The following FGF13 variants were observed in gnomAD, a reference collection of about 807,000 sequenced individuals.
The protein encoded by FGF13 is fibroblast growth factor 13.
Under a neutral mutation model 19.5 loss-of-function variants are expected in FGF13, and 2 were observed. The observed-to-expected ratio is 0.10, with a 90% CI of 0.04 to 0.32. The LOEUF is 0.32. Ranked by LOEUF, FGF13 falls within the 10% of genes least tolerant of loss-of-function variation. The pLI, the probability that FGF13 is intolerant of heterozygous loss-of-function variation, is 1.00. For missense variants in FGF13, 113 were observed against 192.7 expected, an observed-to-expected ratio of 0.59 and a Z score of 2.45; for synonymous variants, 72 against 76.9, an observed-to-expected ratio of 0.94 and a Z score of 0.33.
chrX:138,794,751 T>C lies in FGF13; in HGVS notation c.217+62761A>G, dbSNP rs760855528. On this transcript the variant is annotated intron_variant, in intron 3 of 6. Transcript: ENST00000436198. ...AGGGAAAGGAGAGGTCAGGATGCAG[T>C]GAGCAAAATTCGGTGTGCTTTTAAC... Among the ~76,000 whole-genome samples the C allele has an allele frequency of 5.3e-4, 59 of 111,891 alleles. 1 individual carries two copies. Among genetic ancestry groups the C allele is most frequent in the Admixed American group, 1.6e-3 (17 of 10,529 alleles).
At chrX:139,096,621 T>A (rs1397149654) in intron 1 of FGF13, among the ~76,000 whole-genome samples, 3 of 111,787 alleles carry the variant, frequency 2.7e-5, no homozygotes, top group Admixed American at 9.5e-5. Flanking sequence ...AACATTGATT[T>A]AGCAATTATG....
In FGF13 at chrX:139,080,978, T is replaced by C. The variant is rs140132596; in HGVS notation, c.-113+122438A>G. On this transcript the variant is annotated intron_variant, in intron 1 of 2. Transcript: ENST00000421460. ...TACAATAACTCCCATCTTTAAAAAATATAAACCTATTCCTTGACTACGCAT... is the reference window on the plus strand; with the variant it reads ...TACAATAACTCCCATCTTTAAAAAACATAAACCTATTCCTTGACTACGCAT... 9.0e-3 allele frequency among the ~76,000 whole-genome samples: 1,003 copies of C among 111,128 alleles called. 11 individuals carry two copies. Among genetic ancestry groups the C allele is most frequent in the African/African-American group, 0.03 (923 of 30,511 alleles).
At chrX:138,992,556 G>T (rs1374354085) in intron 1 of FGF13, among the ~76,000 whole-genome samples, 1 of 110,137 alleles carries the variant, frequency 9.1e-6, no homozygotes, top group Non-Finnish European at 1.9e-5. Flanking sequence ...ATTAAATGAT[G>T]ATAATAATAG....
At chrX:139,140,846 T>G (rs1045431942) in intron 1 of FGF13, among the ~76,000 whole-genome samples, 3 of 110,696 alleles carry the variant, frequency 2.7e-5, no homozygotes, top group African/African-American at 9.9e-5. Flanking sequence ...TCCACCGCAT[T>G]TCCTTGCTCA....
chrX:139,013,839 G>T (rs1036667859), intron 1 of FGF13, among the ~76,000 whole-genome samples: 2 of 108,849 alleles, frequency 1.8e-5, no homozygotes, highest in Non-Finnish European at 3.8e-5. Context: ...GAACTTATTC[G>T]TGTAACCAAA....
intron 1 of FGF13, chrX:138,984,870 G>A: frequency 7.7e-6 from 2 of 260,095 alleles, no homozygotes; most frequent in Non-Finnish European, 1.5e-5. Context: ...TAAGAGCAAT[G>A]AGGCAACACT....
chrX:138,947,125 T>C (rs2091785541), intron 1 of FGF13, among the ~76,000 whole-genome samples: 1 of 111,867 alleles, frequency 8.9e-6, no homozygotes, highest in Non-Finnish European at 1.9e-5. Context: ...TTCCTGATTC[T>C]TCAGTTGTTT....
intron 3 of FGF13, among the ~76,000 whole-genome samples, chrX:138,701,100 G>A (rs930420611): frequency 2.7e-5 from 3 of 112,188 alleles, no homozygotes; most frequent in Non-Finnish European, 3.8e-5. Context: ...TCCAAAGTAC[G>A]TTCTTCAATT....
At chrX:139,122,042 C>A (rs1603209317) in intron 1 of FGF13, among the ~76,000 whole-genome samples, 1 of 111,128 alleles carries the variant, frequency 9.0e-6, no homozygotes, top group Admixed American at 9.6e-5. Flanking sequence ...TGACACAGAC[C>A]ATGAGATTCT....
intron 1 of FGF13, among the ~76,000 whole-genome samples, chrX:138,718,332 TA>T (rs2090124090): frequency 8.9e-6 from 1 of 111,747 alleles, no homozygotes; most frequent in Admixed American, 9.5e-5. Flanking sequence ...AATGAAAAGC[TA>T]GGGGAAAAAA....
chrX:138,858,678 C>T lies in FGF13; in HGVS notation c.-38-999G>A, dbSNP rs140600803. Among the ~76,000 whole-genome samples, 1,032 of 110,956 alleles carry T rather than the reference C, an allele frequency of 9.3e-3. 11 individuals carry two copies. The highest frequency in any genetic ancestry group is 0.033 in the African/African-American group (991 of 30,459). On this transcript the variant is annotated intron_variant, in intron 2 of 2. Transcript: ENST00000421460. Reference sequence around the variant, plus strand: ...CTGACTCATTCTACTACCCGAAATGCATACACTTAACACGCATGTAGGAGG... The same window carrying T: ...CTGACTCATTCTACTACCCGAAATGTATACACTTAACACGCATGTAGGAGG...
chrX:138,736,632 T>C (rs1417377702), intron 1 of FGF13, among the ~76,000 whole-genome samples: 2 of 110,060 alleles, frequency 1.8e-5, no homozygotes, highest in Non-Finnish European at 3.8e-5. Flanking sequence ...CAGGGGATTA[T>C]TGATAAAAAA....
chrX:138,708,745 T>C, intron 2 of FGF13, 73 bp downstream of exon 2: 2 of 681,863 alleles, frequency 2.9e-6, no homozygotes, highest in Middle Eastern at 3.6e-4. Context: ...GAAAGCGTAT[T>C]TATTTTTAAA....
At chrX:138,995,140 C>T (rs1484706201) in intron 1 of FGF13, among the ~76,000 whole-genome samples, 1 of 110,985 alleles carries the variant, frequency 9.0e-6, no homozygotes, top group African/African-American at 3.3e-5. Flanking sequence ...GGTCACATGG[C>T]ATGGAGAGAG....
At chrX:138,650,525 T>A (rs2091531219) in intron 3 of FGF13, among the ~76,000 whole-genome samples, 1 of 112,068 alleles carries the variant, frequency 8.9e-6, no homozygotes, top group African/African-American at 3.2e-5. Flanking sequence ...ATGTTATGAC[T>A]AGCCAAATAT....
chrX:138,856,406 G>A (rs1210066871), downstream of FGF13, among the ~76,000 whole-genome samples: 1 of 111,546 alleles, frequency 9.0e-6, no homozygotes, highest in Non-Finnish European at 1.9e-5. Flanking sequence ...GAGTGCATTT[G>A]GAGAAATTTA....
intron 3 of FGF13, among the ~76,000 whole-genome samples, chrX:138,688,090 G>C (rs937593490): frequency 9.2e-6 from 1 of 109,110 alleles, no homozygotes; most frequent in African/African-American, 3.3e-5. Context: ...CAAGTAGCTG[G>C]GACTACAGGT....
intron 1 of FGF13, among the ~76,000 whole-genome samples, chrX:139,001,912 C>G (rs2092075136): frequency 8.9e-6 from 1 of 111,757 alleles, no homozygotes; most frequent in Admixed American, 9.5e-5. Flanking sequence ...CAGCACTGTT[C>G]ACAATAGCAA....
intron 1 of FGF13, among the ~76,000 whole-genome samples, chrX:139,070,802 C>T (rs1372254416): frequency 1.8e-5 from 2 of 111,697 alleles, no homozygotes; most frequent in Non-Finnish European, 3.8e-5. Flanking sequence ...GAATACTATG[C>T]GGCCATATAA....
Sources: allele counts gnomAD v4.1 joint callset (sites outside exome capture counted in the v4.1 genomes callset), GRCh38; gene constraint gnomAD v4.1.1; transcripts MANE v1.5; gene names NCBI Gene and HGNC (gene_info 2026-07-23, HGNC 2026-07-21).